Variants in ACTN1 observed in about 807,000 individuals in gnomAD.
ACTN1 encodes the protein alpha-actinin-1.
ACTN1 carries 30 observed loss-of-function variants against 119.6 expected under a neutral mutation model. That is an observed-to-expected ratio of 0.25 (90% CI 0.19 to 0.34). The LOEUF (loss-of-function observed/expected upper bound fraction) is 0.34, where lower values mean the gene tolerates loss of function less well. ACTN1 is among the 10% of genes least tolerant of loss of function. ACTN1 has a pLI of 1.00. For missense variants in ACTN1, 764 were observed against 1,223.4 expected (o/e 0.62, Z 5.60); for synonymous variants, 429 against 472.6 (o/e 0.91, Z 1.20).
At chr14:68,967,335 C>G (rs2036740511) in intron 1 of ACTN1, among the ~76,000 whole-genome samples, 1 of 152,240 alleles carries the variant, frequency 6.6e-6, no homozygotes, top group South Asian at 2.1e-4. Context: ...CAAAGGCCCT[C>G]ACCACCACTG....
chr14:68,898,433 G>A (rs2033031097), intron 8 of ACTN1, among the ~76,000 whole-genome samples: 1 of 152,188 alleles, frequency 6.6e-6, no homozygotes, highest in Admixed American at 6.5e-5. Context: ...CACCACACGT[G>A]CACACACACA....
chr14:68,909,778 GGAGA>G lies in ACTN1; in HGVS notation c.515+173_515+176del, dbSNP rs920057251. On this transcript the variant is annotated intron_variant, in intron 5 of 21. Transcript: ENST00000394419. The surrounding 1 kb of genome is among the most constrained non-coding windows in gnomAD (Gnocchi z 4.1). ...AGCAGCCCCATCTAAGACACTGCAG[GGAGA>G]GAGACGGGGGGATTCAGAGCGATGG... Among the ~76,000 whole-genome samples the G allele has an allele frequency of 6.6e-6, 1 of 152,146 alleles. No individual in the cohort carries two copies. Among genetic ancestry groups the G allele is most frequent in the Non-Finnish European group, 1.5e-5 (1 of 68,026 alleles).
At chr14:68,918,499 T>C (rs78711581) in intron 3 of ACTN1, among the ~76,000 whole-genome samples, 1 of 56,644 alleles carries the variant, frequency 1.8e-5, no homozygotes, top group Non-Finnish European at 3.4e-5. Context: ...GGCAGGAGAA[T>C]GGCGTCAAAC....
At chr14:68,930,958 G>A (rs1294654818) in intron 1 of ACTN1, among the ~76,000 whole-genome samples, 1 of 152,116 alleles carries the variant, frequency 6.6e-6, no homozygotes, top group Non-Finnish European at 1.5e-5. Flanking sequence ...TTGACTTTAC[G>A]ACTAAGGACA....
At chr14:68,884,736 G>T in intron 13 of ACTN1, 39 bp downstream of exon 13, 1 of 1,538,208 alleles carries the variant, frequency 6.5e-7, no homozygotes, top group Non-Finnish European at 9.0e-7. Context: ...CCACAGGGCT[G>T]CCGGATATGG....
intron 8 of ACTN1, among the ~76,000 whole-genome samples, chr14:68,898,978 G>A (rs533540945): frequency 8.7e-6 from 1 of 114,602 alleles, no homozygotes; most frequent in African/African-American, 3.4e-5. Flanking sequence ...CACCACACAC[G>A]CCACACCTCA....
chr14:68,924,251 A>G (rs561988458), intron 2 of ACTN1, among the ~76,000 whole-genome samples: 20 of 152,336 alleles, frequency 1.3e-4, no homozygotes, highest in Admixed American at 3.9e-4. Context: ...ACCCTTTAAA[A>G]TGGCTAAAAT....
At chr14:68,888,445 G>A (rs767928110) in intron 11 of ACTN1, among the ~76,000 whole-genome samples, 26 of 152,082 alleles carry the variant, frequency 1.7e-4, no homozygotes, top group Non-Finnish European at 2.5e-4. Context: ...TGCCCGTCAC[G>A]TCTGGATAAA....
intron 1 of ACTN1, among the ~76,000 whole-genome samples, chr14:68,948,740 AACT>A (rs1566665770): frequency 2.9e-5 from 4 of 135,884 alleles, no homozygotes; most frequent in African/African-American, 1.0e-4. Flanking sequence ...CTTTCTCTGT[AACT>A]GGGCATCCAG....
chr14:68,950,462 G>GTGTGTGTGTGTGTGTATA, intron 1 of ACTN1, among the ~76,000 whole-genome samples: 7 of 125,912 alleles, frequency 5.6e-5, no homozygotes, highest in African/African-American at 8.2e-5. Context: ...ATGCGTGTGT[G>GTGTGTGTGTGTGTGTATA]TATATATATA....
chr14:68,926,420 C>T (rs1467049707), intron 1 of ACTN1, among the ~76,000 whole-genome samples: 3 of 152,222 alleles, frequency 2.0e-5, no homozygotes, highest in Admixed American at 6.5e-5. Flanking sequence ...GTGGCTCAAA[C>T]AGGAAGAGGG....
intron 8 of ACTN1, among the ~76,000 whole-genome samples, chr14:68,894,020 G>A (rs1420488037): frequency 6.6e-6 from 1 of 152,156 alleles, no homozygotes; most frequent in African/African-American, 2.4e-5. Context: ...CAACCTGCAG[G>A]TTGGGAAGAA....
At chr14:68,893,970 G>A (rs961298422) in intron 8 of ACTN1, among the ~76,000 whole-genome samples, 10 of 152,154 alleles carry the variant, frequency 6.6e-5, no homozygotes, top group Non-Finnish European at 1.3e-4. Flanking sequence ...GGTCTTGGTG[G>A]CTGAACTGGG....
intron 21 of ACTN1, among the ~76,000 whole-genome samples, chr14:68,876,722 C>T (rs2030940953): frequency 6.6e-6 from 1 of 152,172 alleles, no homozygotes; most frequent in African/African-American, 2.4e-5. Context: ...ATAGTCCGTG[C>T]CGATGCGCGG....
chr14:68,883,160 G>C (rs888711269), intron 14 of ACTN1, 105 bp from the exon 15 acceptor site: 10 of 1,214,026 alleles, frequency 8.2e-6, no homozygotes, highest in Non-Finnish European at 9.3e-6. Context: ...AGACCAGGAG[G>C]CATCAATTCA....
intron 8 of ACTN1, among the ~76,000 whole-genome samples, chr14:68,899,042 CCACACCT>C (rs2033092496): frequency 7.4e-6 from 1 of 134,836 alleles, no homozygotes; most frequent in Admixed American, 7.1e-5. Flanking sequence ...CACACACATG[CCACACCT>C]CACACCACAC....
In ACTN1 at chr14:68,893,703, G is replaced by A. The variant is rs1315741019; in HGVS notation, c.807C>T (p.Asn269=). Residue 269 remains asparagine, a synonymous_variant, in exon 9 of 22, where the codon AAC becomes AAT. Transcript: ENST00000394419. The part of the protein sequence containing the change: ...ANRICKVLAV[N]QENEQLMEDY... ...CTTCCATAAGCTGCTCGTTCTCCTG[G>A]TTGACGGCCAACACCTTGCAGATGC... The A allele has an allele frequency of 6.2e-7, 1 of 1,614,148 alleles. No individual in the cohort carries two copies. The highest frequency in any genetic ancestry group is 1.1e-5 in the South Asian group (1 of 91,084).
At chr14:68,975,737 G>A (rs1041766770) in intron 1 of ACTN1, among the ~76,000 whole-genome samples, 4 of 152,172 alleles carry the variant, frequency 2.6e-5, no homozygotes, top group Non-Finnish European at 4.4e-5. Context: ...TCTAATCCAC[G>A]TGCTCTGTCT....
intron 1 of ACTN1, among the ~76,000 whole-genome samples, chr14:68,970,554 C>G (rs2036851609): frequency 6.6e-6 from 1 of 152,188 alleles, no homozygotes; most frequent in South Asian, 2.1e-4. Flanking sequence ...ACAGACAGAA[C>G]AGGTGAAACT....
Sources: allele counts gnomAD v4.1 joint callset (sites outside exome capture counted in the v4.1 genomes callset), GRCh38; gene constraint gnomAD v4.1.1; non-coding constraint Gnocchi (gnomAD v3.1); transcripts MANE v1.5; gene names NCBI Gene and HGNC (gene_info 2026-07-23, HGNC 2026-07-21).